The following RBFOX1 variants were observed in gnomAD, a reference collection of about 807,000 sequenced individuals.
The protein encoded by RBFOX1 is RNA binding fox-1 homolog 1.
RBFOX1 carries 8 observed loss-of-function variants against 57.7 expected under a neutral mutation model. That is an observed-to-expected ratio of 0.14 (90% CI 0.08 to 0.25). The LOEUF (loss-of-function observed/expected upper bound fraction) is 0.25. RBFOX1 is among the 10% of genes least tolerant of loss of function. RBFOX1 has a pLI of 1.00. For missense variants in RBFOX1, 611 were observed against 548.5 expected, an observed-to-expected ratio of 1.11 and a Z score of -1.14; for synonymous variants, 326 against 222.4, an observed-to-expected ratio of 1.47 and a Z score of -4.15.
Position 6,401,236 on chromosome 16 carries a change from C to A in RBFOX1, c.-64+84179C>A, listed in dbSNP as rs117519135. On this transcript the variant is annotated intron_variant, in intron 2 of 15. Transcript: ENST00000550418. Reference sequence around the variant, plus strand: ...CACAGGCCTCAGCTTCAAGTACCATCCACTGGCCAGATCTGGGATAATCTG... The same window carrying A: ...CACAGGCCTCAGCTTCAAGTACCATACACTGGCCAGATCTGGGATAATCTG... Among the ~76,000 whole-genome samples the A allele has an allele frequency of 8.0e-3, 1,214 of 152,272 alleles. 6 individuals are homozygous for A. The highest frequency in any genetic ancestry group is 0.02 in the Middle Eastern group (6 of 294).
chr16:6,664,681 G>C (rs1044457768), intron 3 of RBFOX1, among the ~76,000 whole-genome samples: 6 of 152,210 alleles, frequency 3.9e-5, no homozygotes, highest in African/African-American at 1.4e-4. Flanking sequence ...GTCTGAAATT[G>C]CGTGTTCAGA....
intron 4 of RBFOX1, among the ~76,000 whole-genome samples, chr16:7,339,679 A>G (rs181537636): frequency 2.0e-4 from 31 of 152,312 alleles, no homozygotes; most frequent in Non-Finnish European, 4.6e-4. Context: ...ACCTCAGGTG[A>G]TCCGCCCACT....
intron 1 of RBFOX1, among the ~76,000 whole-genome samples, chr16:5,316,031 C>G (rs923781662): frequency 6.6e-6 from 1 of 152,308 alleles, no homozygotes; most frequent in African/African-American, 2.4e-5. Context: ...CTCCCCCGCC[C>G]TACTCCTCTC....
rs144889670 is a variant in RBFOX1 at position 5,915,805 on chromosome 16, C to G, written c.351+48470C>G. On this transcript the variant is annotated intron_variant, in intron 4 of 19. Transcript: ENST00000641259. ...CAAGATCATGCCACGGCACTCCAGC[C>G]TGGGTGACAGGGCGAGACTCAGTAT... is the stretch of plus-strand genomic sequence containing the variant. Among the ~76,000 whole-genome samples, 341 of 152,078 alleles carry G rather than the reference C, an allele frequency of 2.2e-3. 3 individuals carry two copies. The highest frequency in any genetic ancestry group is 8.0e-3 in the African/African-American group (331 of 41,466).
intron 4 of RBFOX1, among the ~76,000 whole-genome samples, chr16:7,363,459 A>G (rs898884260): frequency 4.0e-5 from 6 of 151,872 alleles, no homozygotes; most frequent in South Asian, 2.1e-4. Flanking sequence ...GCCAGATTCA[A>G]TCCTTCCTCC....
chr16:7,161,271 C>T (rs1224405906), intron 4 of RBFOX1, among the ~76,000 whole-genome samples: 1 of 151,506 alleles, frequency 6.6e-6, no homozygotes, highest in Non-Finnish European at 1.5e-5. Flanking sequence ...TCTGCTGTGA[C>T]CATGAGATAG....
At chr16:5,487,094 T>C (rs998892508) in intron 2 of RBFOX1, among the ~76,000 whole-genome samples, 4 of 152,182 alleles carry the variant, frequency 2.6e-5, no homozygotes, top group Non-Finnish European at 5.9e-5. Context: ...GTAGGTGTCA[T>C]TTCCTCAGGC....
At chr16:6,620,974 C>CAGGATGT (rs1567917865) in intron 2 of RBFOX1, among the ~76,000 whole-genome samples, 1 of 152,160 alleles carries the variant, frequency 6.6e-6, no homozygotes, top group Non-Finnish European at 1.5e-5. Flanking sequence ...AGTCTGAAAT[C>CAGGATGT]AGGATGTCAG....
chr16:6,520,004 A>G (rs933801044), intron 2 of RBFOX1, among the ~76,000 whole-genome samples: 2 of 152,112 alleles, frequency 1.3e-5, no homozygotes, highest in East Asian at 3.9e-4. Flanking sequence ...CCTTCCTGGG[A>G]GAGACACAAA....
chr16:7,333,913 T>C (rs1474522044), intron 4 of RBFOX1, among the ~76,000 whole-genome samples: 1 of 152,160 alleles, frequency 6.6e-6, no homozygotes, highest in Non-Finnish European at 1.5e-5. Flanking sequence ...TTTGTTGTTA[T>C]AATTAGTTTT....
intron 4 of RBFOX1, among the ~76,000 whole-genome samples, chr16:5,944,713 G>C (rs1485552415): frequency 6.1e-5 from 9 of 148,194 alleles, no homozygotes; most frequent in Non-Finnish European, 1.0e-4. Context: ...CCAGCACTTT[G>C]AGAGGCCAAG....
intron 2 of RBFOX1, among the ~76,000 whole-genome samples, chr16:5,502,719 G>A (rs890043686): frequency 6.6e-6 from 1 of 152,172 alleles, no homozygotes; most frequent in Admixed American, 6.5e-5. Context: ...TTGAGTTATA[G>A]TCTGTCTGCA....
At chr16:6,326,556 C>T (rs1339744291) in intron 2 of RBFOX1, among the ~76,000 whole-genome samples, 3 of 152,094 alleles carry the variant, frequency 2.0e-5, no homozygotes, top group Non-Finnish European at 2.9e-5. Flanking sequence ...TCTCAGAGGG[C>T]ATTCTCCTCT....
chr16:7,056,684 C>G (rs1409478941), intron 4 of RBFOX1, among the ~76,000 whole-genome samples: 2 of 152,146 alleles, frequency 1.3e-5, no homozygotes, highest in African/African-American at 4.8e-5. Flanking sequence ...TTTCTGAGCA[C>G]TCATAAAATA....
intron 3 of RBFOX1, among the ~76,000 whole-genome samples, chr16:6,977,253 C>T (rs960295094): frequency 6.7e-6 from 1 of 150,016 alleles, no homozygotes; most frequent in Non-Finnish European, 1.5e-5. Context: ...AGATCTTGGG[C>T]AGATTTGCTC....
intron 2 of RBFOX1, among the ~76,000 whole-genome samples, chr16:6,465,966 T>C (rs1406774696): frequency 6.6e-6 from 1 of 152,052 alleles, no homozygotes; most frequent in Non-Finnish European, 1.5e-5. Flanking sequence ...TCGTGGCTCA[T>C]GCCTGTAATC....
intron 3 of RBFOX1, among the ~76,000 whole-genome samples, chr16:6,940,081 A>G (rs2078095854): frequency 6.6e-6 from 1 of 152,162 alleles, no homozygotes; most frequent in African/African-American, 2.4e-5. Context: ...AATCCCAGTT[A>G]CTTGGGAGGC....
intron 4 of RBFOX1, among the ~76,000 whole-genome samples, chr16:7,094,034 C>G (rs2061298118): frequency 6.7e-6 from 1 of 150,328 alleles, no homozygotes; most frequent in African/African-American, 2.5e-5. Flanking sequence ...AGTAATTGGT[C>G]AAGTGGATGT....
At chr16:6,119,659 T>G (rs2096533744) in intron 1 of RBFOX1, among the ~76,000 whole-genome samples, 1 of 152,202 alleles carries the variant, frequency 6.6e-6, no homozygotes, top group Non-Finnish European at 1.5e-5. Context: ...AGCTATAATC[T>G]AAAACTGTCA....
Sources: allele counts gnomAD v4.1 joint callset (sites outside exome capture counted in the v4.1 genomes callset), GRCh38; gene constraint gnomAD v4.1.1; transcripts MANE v1.5; gene names NCBI Gene and HGNC (gene_info 2026-07-23, HGNC 2026-07-21).